Variants in ATXN1 observed in about 807,000 individuals in gnomAD.
ATXN1 encodes the protein ataxin 1.
Under a neutral mutation model 56.4 loss-of-function variants are expected in ATXN1, and 8 were observed. The observed-to-expected ratio is 0.14, with a 90% CI of 0.08 to 0.26. The LOEUF (loss-of-function observed/expected upper bound fraction) is 0.26, where lower values mean the gene tolerates loss of function less well. ATXN1 is among the 10% of genes least tolerant of loss of function. The pLI, the probability that ATXN1 is intolerant of heterozygous loss-of-function variation, is 1.00. For missense variants in ATXN1, 987 were observed against 1,106.5 expected, an observed-to-expected ratio of 0.89 and a Z score of 1.53; for synonymous variants, 514 against 494.6, an observed-to-expected ratio of 1.04 and a Z score of -0.52.
intron 3 of ATXN1, among the ~76,000 whole-genome samples, chr6:16,592,788 G>C (rs1276554960): frequency 7.1e-6 from 1 of 140,994 alleles, no homozygotes; most frequent in Non-Finnish European, 1.5e-5. Flanking sequence ...ACAGCAGCAA[G>C]ATTTATCATA....
At chr6:16,345,401 C>G (rs150466207) in intron 6 of ATXN1, among the ~76,000 whole-genome samples, 2 of 152,238 alleles carry the variant, frequency 1.3e-5, no homozygotes, top group Non-Finnish European at 2.9e-5. Flanking sequence ...AAGGAAACAC[C>G]TCGGTAGTCT....
intron 4 of ATXN1, among the ~76,000 whole-genome samples, chr6:16,578,802 T>C (rs958663363): frequency 6.6e-6 from 1 of 152,106 alleles, no homozygotes; most frequent in African/African-American, 2.4e-5. Context: ...GCCCCCCTTT[T>C]TGGGGTGTGT....
At chr6:16,567,357 GA>G (rs1762248387) in intron 4 of ATXN1, among the ~76,000 whole-genome samples, 1 of 152,186 alleles carries the variant, frequency 6.6e-6, no homozygotes, top group African/African-American at 2.4e-5. Flanking sequence ...AGAAGGGAAA[GA>G]CCATTAAACA....
At chr6:16,722,220 G>A (rs1347107822) in intron 2 of ATXN1, among the ~76,000 whole-genome samples, 1 of 152,182 alleles carries the variant, frequency 6.6e-6, no homozygotes, top group East Asian at 1.9e-4. Context: ...CTGCAGCAGG[G>A]GGCGGCTGTA....
chr6:16,422,003 T>C (rs1759046831), intron 6 of ATXN1, among the ~76,000 whole-genome samples: 1 of 152,164 alleles, frequency 6.6e-6, no homozygotes, highest in Non-Finnish European at 1.5e-5. Flanking sequence ...GGTGCAAAGA[T>C]AGCCAGTAAG....
intron 6 of ATXN1, among the ~76,000 whole-genome samples, chr6:16,352,912 A>G (rs971083145): frequency 3.3e-5 from 5 of 152,168 alleles, no homozygotes; most frequent in Non-Finnish European, 7.3e-5. Flanking sequence ...ACCATCATTA[A>G]GTAAAATAAA....
At chr6:16,704,900 G>T (rs1047329551) in intron 2 of ATXN1, among the ~76,000 whole-genome samples, 1 of 152,202 alleles carries the variant, frequency 6.6e-6, no homozygotes, top group Non-Finnish European at 1.5e-5. Context: ...CACTCAGCGA[G>T]GGGGAGGGGG....
intron 2 of ATXN1, among the ~76,000 whole-genome samples, chr6:16,680,486 C>A (rs563114760): frequency 5.9e-5 from 9 of 152,088 alleles, no homozygotes; most frequent in Non-Finnish European, 1.3e-4. Flanking sequence ...AACTGAGATA[C>A]TAACAAGCTG....
intron 6 of ATXN1, among the ~76,000 whole-genome samples, chr6:16,461,288 A>C (rs569479148): frequency 3.3e-5 from 5 of 152,342 alleles, no homozygotes; most frequent in Admixed American, 2.0e-4. Flanking sequence ...GGTTAACGGC[A>C]GAAGAGGGAA....
chr6:16,741,560 C>T (rs940540114), intron 2 of ATXN1, among the ~76,000 whole-genome samples: 5 of 152,164 alleles, frequency 3.3e-5, no homozygotes, highest in African/African-American at 9.7e-5. Flanking sequence ...AGAAACTTTG[C>T]GATTTCAGGT....
chr6:16,756,834 AAT>A (rs757196533), intron 1 of ATXN1, among the ~76,000 whole-genome samples: 1 of 152,346 alleles, frequency 6.6e-6, no homozygotes, highest in African/African-American at 2.4e-5. Flanking sequence ...ATTTTAGTAA[AAT>A]ATGTTTATTG....
rs572645712 is a variant in ATXN1, at chr6:16,622,356, G to A, written c.-489+35420C>T. ...ATGTGCTCTAGGAGATGGTGATGAT[G>A]ATGATGACCATGGTGGTGGTGGTGG... On this transcript the variant is annotated intron_variant, in intron 3 of 7. Transcript: ENST00000436367. Among the ~76,000 whole-genome samples the A allele has an allele frequency of 1.4e-4, 21 of 152,294 alleles. No individual in the cohort carries two copies. The East Asian group carries it at 3.7e-3, about 27-fold the overall frequency.
chr6:16,312,947 G>A (rs982809021), intron 7 of ATXN1, among the ~76,000 whole-genome samples: 2 of 152,114 alleles, frequency 1.3e-5, no homozygotes, highest in Middle Eastern at 3.4e-3. Context: ...GTACAATCTC[G>A]GCTCACTGCA....
intron 5 of ATXN1, among the ~76,000 whole-genome samples, chr6:16,487,369 A>G (rs1039821736): frequency 6.6e-6 from 1 of 152,240 alleles, no homozygotes; most frequent in African/African-American, 2.4e-5. Flanking sequence ...TCTCTAAAAA[A>G]AGGCAAGAAT....
At chr6:16,356,210 G>A (rs1180249236) in intron 6 of ATXN1, among the ~76,000 whole-genome samples, 2 of 152,126 alleles carry the variant, frequency 1.3e-5, no homozygotes, top group Non-Finnish European at 1.5e-5. Flanking sequence ...TCCTGCCCAC[G>A]GCACTCTTTG....
chr6:16,602,609 G>T (rs1251889024), intron 3 of ATXN1, among the ~76,000 whole-genome samples: 1 of 151,990 alleles, frequency 6.6e-6, no homozygotes, highest in Non-Finnish European at 1.5e-5. Context: ...AGGCCACCAT[G>T]CCCTGCTAAT....
At chr6:16,316,937 G>A (rs929262186) in intron 7 of ATXN1, among the ~76,000 whole-genome samples, 6 of 142,020 alleles carry the variant, frequency 4.2e-5, no homozygotes, top group African/African-American at 8.6e-5. Context: ...CCAGGGAGAG[G>A]AGCAGTGCTT....
chr6:16,570,716 C>A (rs2113749938), intron 4 of ATXN1, among the ~76,000 whole-genome samples: 1 of 152,234 alleles, frequency 6.6e-6, no homozygotes, highest in African/African-American at 2.4e-5. Flanking sequence ...AAGTTGTAAC[C>A]ATTCCCCACG....
chr6:16,715,790 C>T (rs1459532662), intron 2 of ATXN1, among the ~76,000 whole-genome samples: 5 of 152,150 alleles, frequency 3.3e-5, no homozygotes, highest in Admixed American at 6.5e-5. Context: ...GTCCATACTC[C>T]TTAGCATTTG....
Sources: gnomAD v4.1 joint callset for allele counts (sites outside exome capture counted in the v4.1 genomes callset) on GRCh38, gnomAD v4.1.1 for gene constraint, MANE v1.5 for transcripts, NCBI Gene and HGNC (gene_info 2026-07-23, HGNC 2026-07-21) for gene names.